The following PLEKHA7 variants were observed in gnomAD, a reference collection of about 807,000 sequenced individuals.
PLEKHA7 encodes pleckstrin homology domain-containing family A member 7.
PLEKHA7 carries 104 observed loss-of-function variants against 170.0 expected under a neutral mutation model. The ratio of observed to expected loss-of-function variants is 0.61; its 90% CI spans 0.52 to 0.72. The LOEUF (loss-of-function observed/expected upper bound fraction) is 0.72. Among genes scored for constraint, PLEKHA7 ranks in the 30% least tolerant of loss-of-function variants. The pLI is 0.00. For missense variants in PLEKHA7, 1,615 were observed against 1,671.7 expected, an observed-to-expected ratio of 0.97 and a Z score of 0.59; for synonymous variants, 648 against 660.8, an observed-to-expected ratio of 0.98 and a Z score of 0.30.
intron 3 of PLEKHA7, among the ~76,000 whole-genome samples, chr11:16,932,964 C>A (rs1024933875): frequency 1.3e-5 from 2 of 152,082 alleles, no homozygotes; most frequent in Non-Finnish European, 2.9e-5. Flanking sequence ...CTTATAATAC[C>A]TAGTAGGAAT....
intron 3 of PLEKHA7, 138 bp downstream of exon 3, chr11:17,013,851 T>C: frequency 9.9e-7 from 1 of 1,008,764 alleles, no homozygotes; most frequent in East Asian, 3.4e-5. Flanking sequence ...ACACAAAACG[T>C]TGAGTGTGGC....
chr11:16,850,991 C>A (rs150453672), intron 8 of PLEKHA7, among the ~76,000 whole-genome samples, 200 bp downstream of exon 8: 18 of 152,172 alleles, frequency 1.2e-4, no homozygotes, highest in Admixed American at 3.3e-4. Context: ...CATGGCTGGG[C>A]GACTCCAAAG....
chr11:16,822,039 A>T (rs112992240), intron 10 of PLEKHA7, among the ~76,000 whole-genome samples: 2,696 of 151,434 alleles, frequency 0.018, 76 homozygotes, highest in African/African-American at 0.061. Context: ...TGCCCTCCCC[A>T]CCCACCTCTC....
chr11:16,847,146 G>A (rs1355035341), intron 8 of PLEKHA7, among the ~76,000 whole-genome samples: 2 of 143,582 alleles, frequency 1.4e-5, no homozygotes, highest in Non-Finnish European at 3.0e-5. Context: ...GCCCAGGCTG[G>A]AGTGCAGTGG....
intron 3 of PLEKHA7, among the ~76,000 whole-genome samples, chr11:16,966,869 G>A (rs1410738414): frequency 2.6e-5 from 4 of 152,066 alleles, no homozygotes; most frequent in African/African-American, 7.2e-5. Context: ...TCAGGCCACC[G>A]TTTCTACTGC....
intron 3 of PLEKHA7, among the ~76,000 whole-genome samples, chr11:16,937,603 T>A (rs912944645): frequency 6.6e-6 from 1 of 151,934 alleles, no homozygotes; most frequent in Non-Finnish European, 1.5e-5. Context: ...TTAACTAGGA[T>A]GTTTTTCTTT....
intron 3 of PLEKHA7, among the ~76,000 whole-genome samples, chr11:16,964,163 C>T (rs377427693): frequency 1.3e-5 from 2 of 152,302 alleles, no homozygotes; most frequent in East Asian, 3.9e-4. Flanking sequence ...CTCTTCAGGG[C>T]TCAGTAATAT....
In PLEKHA7 at chr11:16,790,836, A is replaced by C. The variant is rs1300060206; in HGVS notation, c.3014T>G (p.Val1005Gly). Residue 1005 changes from valine (V) to glycine (G), a missense_variant, in exon 21 of 27, where the codon GTG becomes GGG. By Grantham distance (109) the Val-to-Gly change is moderately radical (BLOSUM62 -3). Coordinates refer to ENST00000531066, the MANE Select transcript of PLEKHA7 (RefSeq NM_001329630.2). Reference sequence around the variant, plus strand: ...CGTCTGGTACCTGCTCTCAGGGCCCACAAGTCCTAGGGAGGGCTGGGCCAT... The same window carrying C: ...CGTCTGGTACCTGCTCTCAGGGCCCCCAAGTCCTAGGGAGGGCTGGGCCAT... ...GDMAQPSLGL[V>G]GPESRYQTLP... 3 of 1,609,726 alleles carry C rather than the reference A, an allele frequency of 1.9e-6. No individual in the cohort carries two copies. The highest frequency in any genetic ancestry group is 2.5e-6 in the Non-Finnish European group (3 of 1,178,306).
At chr11:16,867,305 CCTT>C (rs1854472395) in intron 4 of PLEKHA7, among the ~76,000 whole-genome samples, 1 of 152,200 alleles carries the variant, frequency 6.6e-6, no homozygotes, top group Admixed American at 6.5e-5. Context: ...AGTTCTAACA[CCTT>C]CTCAGGTGAT....
rs559682268 is a variant in PLEKHA7 at position 16,908,242 on chromosome 11, C to T, written c.222-37060G>A. Among the ~76,000 whole-genome samples the T allele has an allele frequency of 4.2e-3, 605 of 145,498 alleles. 6 individuals carry two copies. The highest frequency in any genetic ancestry group is 0.014 in the African/African-American group (564 of 39,046). ...CCAAATCCCCCTCTGCGAGAAACAC[C>T]CAAGAATGATCAATAAAAAAAAAAA... On this transcript the variant is annotated intron_variant, in intron 3 of 26. Transcript: ENST00000531066.
At chr11:17,000,029 T>G (rs1408432546) in intron 3 of PLEKHA7, among the ~76,000 whole-genome samples, 2 of 152,184 alleles carry the variant, frequency 1.3e-5, no homozygotes, top group Admixed American at 1.3e-4. Flanking sequence ...AGGGGGGATA[T>G]GGACAGGGAG....
At chr11:16,889,414 A>ATATATATATATATAT (rs1489389191) in intron 3 of PLEKHA7, among the ~76,000 whole-genome samples, 1 of 114,914 alleles carries the variant, frequency 8.7e-6, no homozygotes. Flanking sequence ...AAAAAAAAAA[A>ATATATATATATATAT]AAAAAAATAT....
chr11:16,935,796 A>C (rs1325473410), intron 3 of PLEKHA7, among the ~76,000 whole-genome samples: 1 of 152,174 alleles, frequency 6.6e-6, no homozygotes, highest in Non-Finnish European at 1.5e-5. Flanking sequence ...GACCAAAGAA[A>C]AAGTGGTATT....
Position 16,854,918 on chromosome 11 carries a change from CG to C in PLEKHA7, c.492del (p.Val165TrpfsTer3). 1 of 1,614,042 alleles carries C rather than the reference CG, an allele frequency of 6.2e-7. No homozygotes were observed. Among genetic ancestry groups the C allele is most frequent in the Non-Finnish European group, 8.5e-7 (1 of 1,179,948 alleles). On this transcript the variant is annotated frameshift_variant, in exon 6 of 27. Coordinates refer to ENST00000531066, the MANE Select transcript of PLEKHA7 (RefSeq NM_001329630.2). LOFTEE classifies it high-confidence loss of function. ...TTGTGCAGCCAGCCCCTCACCACCA[CG>C]GGAACATTGGGGTTCCTCCGAATGG... Reference protein sequence around the residue: ...DQAIRRNPNVPVVVRGWLHKQ... With the variant: ...DQAIRRNPNVXVVVRGWLHKQ...
chr11:16,955,046 A>G (rs1165853405), intron 3 of PLEKHA7, among the ~76,000 whole-genome samples: 2 of 152,206 alleles, frequency 1.3e-5, no homozygotes, highest in Non-Finnish European at 2.9e-5. Context: ...CAAATGTCAG[A>G]GTAATTTTTA....
At chr11:16,885,388 G>A (rs947669117) in intron 3 of PLEKHA7, among the ~76,000 whole-genome samples, 9 of 152,144 alleles carry the variant, frequency 5.9e-5, no homozygotes, top group Non-Finnish European at 1.2e-4. Flanking sequence ...GCCAGGTGTG[G>A]TGGCTCATGC....
At chr11:16,908,413 CAA>C (rs980198080) in intron 3 of PLEKHA7, among the ~76,000 whole-genome samples, 1 of 151,810 alleles carries the variant, frequency 6.6e-6, no homozygotes, top group Non-Finnish European at 1.5e-5. Flanking sequence ...GCCTTCAAGC[CAA>C]AGAGAGAAGT....
Position 16,817,124 on chromosome 11 carries a change from C to A in PLEKHA7, c.1542G>T (p.Ala514=), listed in dbSNP as rs141114512. Residue 514 remains alanine, a synonymous_variant, in exon 11 of 27, where the codon GCG becomes GCT. Coordinates refer to ENST00000531066, the MANE Select transcript of PLEKHA7 (RefSeq NM_001329630.2). This position sits in a 1 kb window ranked among gnomAD's most constrained non-coding sequence, Gnocchi z 4.4. The part of the protein sequence containing the change: ...HLKMSSEERR[A]HRDGTVWQLY... ...GCTGCCACACGGTGCCATCCCGGTG[C>A]GCCCGGCGCTCTTCACTCGACATCT... The A allele has an allele frequency of 1.2e-6, 2 of 1,614,156 alleles. No homozygotes were observed. The highest frequency in any genetic ancestry group is 1.7e-5 in the Admixed American group (1 of 60,028).
chr11:16,864,950 T>C (rs1854267147), intron 4 of PLEKHA7, among the ~76,000 whole-genome samples: 1 of 152,286 alleles, frequency 6.6e-6, no homozygotes, highest in African/African-American at 2.4e-5. Context: ...ATGATAAATG[T>C]ACCCCACTTC....
Sources: gnomAD v4.1 joint callset for allele counts (sites outside exome capture counted in the v4.1 genomes callset) on GRCh38, gnomAD v4.1.1 for gene constraint, Gnocchi (gnomAD v3.1) non-coding constraint, MANE v1.5 for transcripts, NCBI Gene and HGNC (gene_info 2026-07-23, HGNC 2026-07-21) for gene names.